The following ENAH variants were observed in gnomAD, a reference collection of about 807,000 sequenced individuals.
ENAH encodes the protein protein enabled homolog.
In ENAH, 23 loss-of-function variants were observed where a neutral mutation model predicts 78.7. The observed-to-expected ratio is 0.29, with a 90% CI of 0.21 to 0.41. The LOEUF is 0.41. Among genes scored for constraint, ENAH ranks in the 10% least tolerant of loss-of-function variants. The pLI, the probability that ENAH is intolerant of heterozygous loss-of-function variation, is 1.00. For synonymous variants in ENAH, 226 were observed against 241.0 expected, an observed-to-expected ratio of 0.94 and a Z score of 0.58; for missense variants, 544 against 691.0, an observed-to-expected ratio of 0.79 and a Z score of 2.39.
chr1:225,558,285 A>T lies in ENAH; in HGVS notation c.172-3202T>A, dbSNP rs146392841. 5.0e-3 allele frequency among the ~76,000 whole-genome samples: 762 copies of T among 152,298 alleles called. 9 individuals are homozygous for T. Among genetic ancestry groups the T allele is most frequent in the African/African-American group, 0.017 (723 of 41,574 alleles). ...TCCTCTTTTTGTATTCTCTGGAAAA[A>T]AGTACGTAATACTGGTGTTCTTTAA... On this transcript the variant is annotated intron_variant, in intron 2 of 13. Coordinates refer to ENST00000366843, the MANE Select transcript of ENAH (RefSeq NM_018212.6).
rs1209691819 is a variant in ENAH at position 225,495,446 on chromosome 1, T to C, written c.*2329A>G. 2.1e-5 allele frequency: 3 copies of C among 144,962 alleles called. No individual in the cohort carries two copies. Among genetic ancestry groups the C allele is most frequent in the Admixed American group, 1.5e-4 (2 of 13,782 alleles). 9.0% of individuals were successfully genotyped at this position (144,962 alleles called of 1,614,324 possible). On this transcript the variant is annotated 3_prime_UTR_variant, in exon 14 of 14. Coordinates refer to ENST00000366843, the MANE Select transcript of ENAH (RefSeq NM_018212.6). Reference sequence around the variant, plus strand: ...TGGGATGATGGGAAATATAGCATGATTCAACACTGGTTTTTTTTTTTTTTT... The same window carrying C: ...TGGGATGATGGGAAATATAGCATGACTCAACACTGGTTTTTTTTTTTTTTT...
chr1:225,621,914 C>T (rs1657048136), intron 1 of ENAH, among the ~76,000 whole-genome samples: 1 of 152,198 alleles, frequency 6.6e-6, no homozygotes. Context: ...CCACTGAGAA[C>T]TCCCTGTGCT....
chr1:225,624,061 G>A (rs904147160), intron 1 of ENAH, among the ~76,000 whole-genome samples: 10 of 152,098 alleles, frequency 6.6e-5, no homozygotes, highest in Admixed American at 2.6e-4. Flanking sequence ...TTAGGCTAAC[G>A]GCCTCCAGCT....
intron 2 of ENAH, among the ~76,000 whole-genome samples, chr1:225,560,369 G>A (rs1376973844): frequency 7.9e-5 from 12 of 151,920 alleles, no homozygotes; most frequent in Admixed American, 7.9e-4. Flanking sequence ...GCACATGCCT[G>A]TAATCCAGCT....
intron 1 of ENAH, among the ~76,000 whole-genome samples, chr1:225,634,422 T>C (rs1196463192): frequency 6.6e-6 from 1 of 152,184 alleles, no homozygotes; most frequent in Non-Finnish European, 1.5e-5. Flanking sequence ...ACATTCTGGT[T>C]GTCTCTTCTG....
chr1:225,606,744 G>A (rs1167521606), intron 1 of ENAH, among the ~76,000 whole-genome samples: 1 of 147,092 alleles, frequency 6.8e-6, no homozygotes, highest in Non-Finnish European at 1.5e-5. Flanking sequence ...TTGAGAGGCT[G>A]AGGTAGGAGA....
At chr1:225,518,741 C>A (rs2096441808) in intron 5 of ENAH, among the ~76,000 whole-genome samples, 1 of 152,084 alleles carries the variant, frequency 6.6e-6, no homozygotes, top group Non-Finnish European at 1.5e-5. Context: ...ATTTAAATAA[C>A]TAGTCTTAGA....
chr1:225,605,880 T>C (rs111556363), intron 1 of ENAH, among the ~76,000 whole-genome samples: 1,801 of 152,274 alleles, frequency 0.012, 32 homozygotes, highest in African/African-American at 0.041. Context: ...GAACCAACCC[T>C]GCCAACACCT....
intron 3 of ENAH, among the ~76,000 whole-genome samples, chr1:225,537,421 T>C (rs2096567103): frequency 6.6e-6 from 1 of 152,190 alleles, no homozygotes; most frequent in Non-Finnish European, 1.5e-5. Context: ...AAAATATTGA[T>C]CTAAATTCTG....
chr1:225,653,420 C>T (rs185414012), upstream of ENAH, among the ~76,000 whole-genome samples: 3 of 150,386 alleles, frequency 2.0e-5, no homozygotes, highest in South Asian at 2.1e-4. This position sits in a 1 kb window ranked among gnomAD's most constrained non-coding sequence, Gnocchi z 4.3. Context: ...CACCACCCCC[C>T]CCTCCCGCCC....
intron 11 of ENAH, among the ~76,000 whole-genome samples, chr1:225,502,781 G>T (rs2096290898): frequency 6.6e-6 from 1 of 152,110 alleles, no homozygotes. Flanking sequence ...TCCATAAAAT[G>T]CAGAGTCACT....
At chr1:225,564,079 T>C (rs1261994760) in intron 2 of ENAH, among the ~76,000 whole-genome samples, 1 of 152,132 alleles carries the variant, frequency 6.6e-6, no homozygotes, top group African/African-American at 2.4e-5. Context: ...AATTGGTTAT[T>C]TGTACTGTTC....
intron 11 of ENAH, among the ~76,000 whole-genome samples, chr1:225,504,121 C>T (rs1480345576): frequency 2.0e-5 from 3 of 151,606 alleles, no homozygotes; most frequent in Non-Finnish European, 4.4e-5. Flanking sequence ...ATCCTCCTGT[C>T]TTAGCCTCCT....
At chr1:225,577,154 C>T (rs2096792450) in intron 1 of ENAH, among the ~76,000 whole-genome samples, 1 of 152,132 alleles carries the variant, frequency 6.6e-6, no homozygotes, top group Admixed American at 6.5e-5. Flanking sequence ...TCTGTTTAAG[C>T]TTCCAAAAAT....
chr1:225,628,802 G>A (rs1045144033), intron 1 of ENAH, among the ~76,000 whole-genome samples: 3 of 151,618 alleles, frequency 2.0e-5, no homozygotes, highest in African/African-American at 7.3e-5. Flanking sequence ...AGCTACTCGG[G>A]AGGCTGAAGC....
chr1:225,623,593 T>G (rs906135222), intron 1 of ENAH, among the ~76,000 whole-genome samples: 19 of 151,364 alleles, frequency 1.3e-4, no homozygotes, highest in African/African-American at 3.1e-4. Context: ...TTGGGTTTTT[T>G]TTTTTTTTTT....
intron 5 of ENAH, 80 bp downstream of exon 5, chr1:225,519,118 A>C (rs982696339): frequency 6.5e-7 from 1 of 1,532,028 alleles, no homozygotes; most frequent in South Asian, 1.3e-5. Context: ...TCAAATGTGA[A>C]ATATTTTAAC....
At chr1:225,582,815 G>T (rs2151622581) in intron 1 of ENAH, among the ~76,000 whole-genome samples, 1 of 152,262 alleles carries the variant, frequency 6.6e-6, no homozygotes, top group African/African-American at 2.4e-5. Flanking sequence ...TATCATTGGG[G>T]CTAACATATT....
chr1:225,532,561 G>A (rs2096543143), intron 3 of ENAH, among the ~76,000 whole-genome samples: 1 of 151,890 alleles, frequency 6.6e-6, no homozygotes. Context: ...TAAAATCTCA[G>A]TTTTAATTCA....
Sources: gnomAD v4.1 joint callset for allele counts (sites outside exome capture counted in the v4.1 genomes callset) on GRCh38, gnomAD v4.1.1 for gene constraint, Gnocchi (gnomAD v3.1) non-coding constraint, MANE v1.5 for transcripts, NCBI Gene and HGNC (gene_info 2026-07-23, HGNC 2026-07-21) for gene names.